Variants in VWC2 observed in about 807,000 individuals in gnomAD.
VWC2 encodes brorin.
VWC2 carries 14 observed loss-of-function variants against 29.8 expected under a neutral mutation model. The ratio of observed to expected loss-of-function variants is 0.47; its 90% CI spans 0.31 to 0.74. The LOEUF is 0.74. Among genes scored for constraint, VWC2 ranks in the 30% least tolerant of loss-of-function variants. The pLI is 0.05. For missense variants in VWC2, 457 were observed against 459.8 expected (o/e 0.99, Z 0.05); for synonymous variants, 213 against 199.0 (o/e 1.07, Z -0.59).
At chr7:49,893,970 C>G (rs1792255922) in intron 3 of VWC2, among the ~76,000 whole-genome samples, 1 of 152,144 alleles carries the variant, frequency 6.6e-6, no homozygotes, top group South Asian at 2.1e-4. Flanking sequence ...CTGCTGGGCT[C>G]TCACTGCTTG....
chr7:49,839,635 G>C (rs1205500345), intron 3 of VWC2, among the ~76,000 whole-genome samples: 1 of 151,992 alleles, frequency 6.6e-6, no homozygotes, highest in African/African-American at 2.4e-5. Flanking sequence ...TTCTTTGTCT[G>C]TTGCCAGAGA....
At chr7:49,813,319 G>A (rs1350134673) in intron 3 of VWC2, among the ~76,000 whole-genome samples, 7 of 152,200 alleles carry the variant, frequency 4.6e-5, no homozygotes, top group East Asian at 3.9e-4. Flanking sequence ...CCAAAGCCCC[G>A]TGTGTAGCAG....
intron 3 of VWC2, among the ~76,000 whole-genome samples, chr7:49,858,411 T>C (rs904069431): frequency 6.6e-6 from 1 of 152,012 alleles, no homozygotes; most frequent in African/African-American, 2.4e-5. Context: ...TGTAGGGACA[T>C]GGATGAAGCT....
intron 2 of VWC2, among the ~76,000 whole-genome samples, chr7:49,791,447 G>A (rs1788460639): frequency 6.6e-6 from 1 of 152,210 alleles, no homozygotes; most frequent in Non-Finnish European, 1.5e-5. Flanking sequence ...GTGCAGACAG[G>A]GAGGTCCTCT....
At chr7:49,878,956 G>A (rs1791560538) in intron 3 of VWC2, among the ~76,000 whole-genome samples, 1 of 152,130 alleles carries the variant, frequency 6.6e-6, no homozygotes, top group African/African-American at 2.4e-5. Flanking sequence ...AGAAAAGTTT[G>A]CCAAGCCCTG....
chr7:49,866,986 A>G (rs1790919029), intron 3 of VWC2, among the ~76,000 whole-genome samples: 1 of 152,248 alleles, frequency 6.6e-6, no homozygotes, highest in South Asian at 2.1e-4. Flanking sequence ...AAGCAAAATC[A>G]TAAGTGAAAC....
intron 3 of VWC2, among the ~76,000 whole-genome samples, chr7:49,821,141 G>A (rs1005202886): frequency 6.6e-6 from 1 of 152,238 alleles, no homozygotes; most frequent in African/African-American, 2.4e-5. Flanking sequence ...GAAGGAAGCA[G>A]GGAGGGAAAG....
intron 3 of VWC2, among the ~76,000 whole-genome samples, chr7:49,842,891 G>GT (rs1477713408): frequency 2.0e-5 from 3 of 151,946 alleles, no homozygotes; most frequent in South Asian, 2.1e-4. Flanking sequence ...TCCCGTTTCT[G>GT]TTTTTTTTCC....
At chr7:49,788,911 AGTGTGTGTG>A (rs1788378148) in intron 2 of VWC2, among the ~76,000 whole-genome samples, 2 of 125,772 alleles carry the variant, frequency 1.6e-5, no homozygotes, top group African/African-American at 3.1e-5. Context: ...TGGGTGTGAG[AGTGTGTGTG>A]GCCTGCATGT....
intron 3 of VWC2, among the ~76,000 whole-genome samples, chr7:49,816,438 C>T (rs1000732521): frequency 1.1e-4 from 17 of 152,074 alleles, no homozygotes; most frequent in African/African-American, 3.4e-4. Flanking sequence ...AACTGCACTT[C>T]ATGGTTGACC....
intron 3 of VWC2, among the ~76,000 whole-genome samples, chr7:49,870,272 C>A (rs1403425496): frequency 1.3e-5 from 2 of 151,998 alleles, no homozygotes; most frequent in Non-Finnish European, 2.9e-5. Context: ...TGGTGGCGGG[C>A]GCCTGTAGTC....
chr7:49,907,100 T>C (rs892335149), intron 3 of VWC2, among the ~76,000 whole-genome samples: 3 of 152,142 alleles, frequency 2.0e-5, no homozygotes, highest in Non-Finnish European at 4.4e-5. Flanking sequence ...AGCTGGGACA[T>C]GTTTTTAGGT....
intron 3 of VWC2, among the ~76,000 whole-genome samples, chr7:49,854,081 A>G (rs899523677): frequency 2.3e-4 from 35 of 151,972 alleles, no homozygotes; most frequent in Non-Finnish European, 4.1e-4. Flanking sequence ...TCCATGGTGT[A>G]TATGTGCCAC....
chr7:49,874,941 G>A (rs1260738052), intron 3 of VWC2, among the ~76,000 whole-genome samples: 2 of 152,086 alleles, frequency 1.3e-5, no homozygotes, highest in African/African-American at 2.4e-5. Flanking sequence ...ACCCACATAA[G>A]TCAGTTTTAA....
intron 3 of VWC2, among the ~76,000 whole-genome samples, chr7:49,884,722 A>C (rs1405230371): frequency 1.3e-5 from 2 of 152,172 alleles, no homozygotes; most frequent in African/African-American, 4.8e-5. Flanking sequence ...GCCCAAACTC[A>C]AGTCAAGTTT....
intron 2 of VWC2, among the ~76,000 whole-genome samples, chr7:49,788,333 G>A (rs574096026): frequency 6.6e-6 from 1 of 152,316 alleles, no homozygotes; most frequent in Admixed American, 6.5e-5. Context: ...TTTGGGCAAA[G>A]GCAGACTGAT....
intron 3 of VWC2, among the ~76,000 whole-genome samples, chr7:49,842,987 G>C (rs899711067): frequency 3.3e-5 from 5 of 152,098 alleles, no homozygotes; most frequent in Non-Finnish European, 7.3e-5. Flanking sequence ...GGGTACAAGT[G>C]ATCTCATAGT....
At chr7:49,828,876 C>T (rs765601191) in intron 3 of VWC2, among the ~76,000 whole-genome samples, 4 of 152,194 alleles carry the variant, frequency 2.6e-5, no homozygotes, top group Non-Finnish European at 5.9e-5. Flanking sequence ...CTAATACTCA[C>T]CTAGGGCCAG....
chr7:49,797,667 A>G (rs1442875045), intron 2 of VWC2, among the ~76,000 whole-genome samples: 1 of 152,172 alleles, frequency 6.6e-6, no homozygotes, highest in African/African-American at 2.4e-5. Context: ...GAAAAATGGT[A>G]TAAGTAGTAT....
Sources: gnomAD v4.1 joint callset for allele counts (sites outside exome capture counted in the v4.1 genomes callset) on GRCh38, gnomAD v4.1.1 for gene constraint, MANE v1.5 for transcripts, NCBI Gene and HGNC (gene_info 2026-07-23, HGNC 2026-07-21) for gene names.